Variants in HS3ST2 observed in about 807,000 individuals in gnomAD.
HS3ST2 encodes heparan sulfate-glucosamine 3-sulfotransferase 2.
A neutral mutation model predicts 26.3 loss-of-function variants in HS3ST2; 17 were observed. The ratio of observed to expected loss-of-function variants is 0.65; its 90% CI spans 0.44 to 0.97. HS3ST2 has a LOEUF of 0.97. Among genes scored for constraint, HS3ST2 ranks in the 50% least tolerant of loss-of-function variants. HS3ST2 has a pLI of 0.00. For missense variants in HS3ST2, 402 were observed against 501.2 expected (o/e 0.80, Z 1.89); for synonymous variants, 237 against 219.2 (o/e 1.08, Z -0.72).
At chr16:22,847,936 A>G (rs1406247339) in intron 1 of HS3ST2, among the ~76,000 whole-genome samples, 3 of 150,600 alleles carry the variant, frequency 2.0e-5, no homozygotes, top group Non-Finnish European at 4.4e-5. Context: ...GGAAGGAAGG[A>G]AGGAAGGAGG....
chr16:22,914,225 C>T (rs1308904885), intron 1 of HS3ST2, among the ~76,000 whole-genome samples: 1 of 151,924 alleles, frequency 6.6e-6, no homozygotes, highest in Non-Finnish European at 1.5e-5. Flanking sequence ...GAAGCAACCA[C>T]TTTTATTGGT....
chr16:22,848,016 G>C (rs1901468043), intron 1 of HS3ST2, among the ~76,000 whole-genome samples: 1 of 152,132 alleles, frequency 6.6e-6, no homozygotes, highest in South Asian at 2.1e-4. Context: ...TTCAATTCTT[G>C]CCTGATCAGG....
At position 22,906,180 on chromosome 16, in the gene HS3ST2, G is replaced by A. The variant is rs1043924256; in HGVS notation, c.486-8764G>A. Among the ~76,000 whole-genome samples the A allele has an allele frequency of 5.3e-5, 8 of 151,972 alleles. No individual in the cohort carries two copies. In the East Asian group the frequency reaches 1.5e-3, roughly 29 times the overall value. On this transcript the variant is annotated intron_variant, in intron 1 of 1. Coordinates refer to ENST00000261374, the MANE Select transcript of HS3ST2 (RefSeq NM_006043.2). ...GAGGTGAAGAGATCGAGACCATCCT[G>A]GCCAACATGGTGAAACCCATCTCTA...
chr16:22,860,735 T>C lies in HS3ST2; in HGVS notation c.485+45640T>C, dbSNP rs528376509. ...TATAAATTGCCTTTATGTATCACAG[T>C]TATGAGTGTATAAAAGTATGAAATA... On this transcript the variant is annotated intron_variant, in intron 1 of 1. Coordinates refer to ENST00000261374, the MANE Select transcript of HS3ST2 (RefSeq NM_006043.2). Among the ~76,000 whole-genome samples, 417 of 152,072 alleles carry C rather than the reference T, an allele frequency of 2.7e-3. 1 individual carries two copies. The highest frequency in any genetic ancestry group is 7.9e-3 in the African/African-American group (328 of 41,480).
At chr16:22,815,218 A>C in intron 1 of HS3ST2, 123 bp downstream of exon 1, 2 of 1,288,210 alleles carry the variant, frequency 1.6e-6, no homozygotes, top group Non-Finnish European at 2.1e-6. Flanking sequence ...AGGCTGACAC[A>C]CAGGGCCATG....
At chr16:22,845,354 A>ATT (rs5816193) in intron 1 of HS3ST2, among the ~76,000 whole-genome samples, 3,235 of 129,594 alleles carry the variant, frequency 0.025, 116 homozygotes, top group Admixed American at 0.077. Flanking sequence ...TTTATTTGTG[A>ATT]TTTTTTTTTT....
At chr16:22,839,330 C>T (rs1901319028) in intron 1 of HS3ST2, among the ~76,000 whole-genome samples, 1 of 152,208 alleles carries the variant, frequency 6.6e-6, no homozygotes, top group Non-Finnish European at 1.5e-5. Flanking sequence ...CTGAAAGGGG[C>T]TCAGAAAACC....
chr16:22,905,680 GACA>G (rs908038699), intron 1 of HS3ST2, among the ~76,000 whole-genome samples: 1 of 152,070 alleles, frequency 6.6e-6, no homozygotes, highest in African/African-American at 2.4e-5. Flanking sequence ...GAATAATATA[GACA>G]ACAATCTTCA....
At chr16:22,824,243 C>T (rs181044272) in intron 1 of HS3ST2, among the ~76,000 whole-genome samples, 203 of 152,254 alleles carry the variant, frequency 1.3e-3, no homozygotes, top group African/African-American at 4.3e-3. Context: ...GAAAACATGA[C>T]GTGAAGCTTA....
chr16:22,873,904 G>A (rs1567493639), intron 1 of HS3ST2, among the ~76,000 whole-genome samples: 1 of 152,174 alleles, frequency 6.6e-6, no homozygotes, highest in East Asian at 1.9e-4. Context: ...GATGATGGAG[G>A]CCCCATCTCT....
chr16:22,874,358 G>T (rs952460545), intron 1 of HS3ST2, among the ~76,000 whole-genome samples: 5 of 152,226 alleles, frequency 3.3e-5, no homozygotes, highest in African/African-American at 9.6e-5. Context: ...TTCAGAAGGT[G>T]AGATTTCCTC....
intron 1 of HS3ST2, among the ~76,000 whole-genome samples, chr16:22,863,642 G>A (rs1309214449): frequency 1.3e-5 from 2 of 152,118 alleles, no homozygotes; most frequent in East Asian, 3.9e-4. Flanking sequence ...GGGATGTCCT[G>A]GGACCCATCT....
In HS3ST2 at chr16:22,915,822, G is replaced by C. The variant is rs1027932788; in HGVS notation, c.*260G>C. On this transcript the variant is annotated 3_prime_UTR_variant, in exon 2 of 2. Coordinates refer to ENST00000261374, the MANE Select transcript of HS3ST2 (RefSeq NM_006043.2). ...AAATTCCAGAATCATTCTCCTTTCT[G>C]CCCATAAAGGGCCTTGGAGAATTGC... is the stretch of plus-strand genomic sequence containing the variant. The C allele has an allele frequency of 2.0e-6, 1 of 497,710 alleles. No individual in the cohort carries two copies. The highest frequency in any genetic ancestry group is 3.5e-6 in the Non-Finnish European group (1 of 282,096). 30.8% of individuals were successfully genotyped at this position (497,710 alleles called of 1,614,324 possible). A position where few individuals can be genotyped will look rare whatever the true frequency, so the allele number is the denominator to read the frequency against.
At chr16:22,869,552 G>A (rs921977934) in intron 1 of HS3ST2, among the ~76,000 whole-genome samples, 2 of 152,184 alleles carry the variant, frequency 1.3e-5, no homozygotes, top group Non-Finnish European at 2.9e-5. Flanking sequence ...CAGTCATGGT[G>A]GAAGGCAAGA....
At chr16:22,895,957 G>T (rs1902204150) in intron 1 of HS3ST2, among the ~76,000 whole-genome samples, 1 of 151,272 alleles carries the variant, frequency 6.6e-6, no homozygotes, top group Admixed American at 6.6e-5. Flanking sequence ...TGGATTTGAT[G>T]TATCAAATTA....
intron 1 of HS3ST2, among the ~76,000 whole-genome samples, chr16:22,892,861 C>G (rs949124722): frequency 6.6e-6 from 1 of 152,092 alleles, no homozygotes; most frequent in Non-Finnish European, 1.5e-5. Flanking sequence ...ATATACTGAT[C>G]CAATAGAAAC....
intron 1 of HS3ST2, among the ~76,000 whole-genome samples, chr16:22,887,040 C>G (rs970066449): frequency 6.6e-6 from 1 of 152,214 alleles, no homozygotes; most frequent in Non-Finnish European, 1.5e-5. Context: ...ACACAAGCCA[C>G]CATGCCTGAT....
At chr16:22,877,260 T>C (rs1901934110) in intron 1 of HS3ST2, among the ~76,000 whole-genome samples, 1 of 152,186 alleles carries the variant, frequency 6.6e-6, no homozygotes, top group African/African-American at 2.4e-5. Context: ...ACTGCAGGCA[T>C]TCCCCAAAGA....
intron 1 of HS3ST2, among the ~76,000 whole-genome samples, chr16:22,903,894 G>A (rs1902314745): frequency 6.6e-6 from 1 of 152,206 alleles, no homozygotes; most frequent in Admixed American, 6.5e-5. Context: ...TGAGGGGACT[G>A]CCAGGGCCTG....
Sources: gnomAD v4.1 joint callset for allele counts (sites outside exome capture counted in the v4.1 genomes callset) on GRCh38, gnomAD v4.1.1 for gene constraint, MANE v1.5 for transcripts, NCBI Gene and HGNC (gene_info 2026-07-23, HGNC 2026-07-21) for gene names.